WWOX: variants seen among roughly 807,000 people sequenced by gnomAD.
The protein encoded by WWOX is WW domain-containing oxidoreductase.
A neutral mutation model predicts 46.2 loss-of-function variants in WWOX; 69 were observed. The ratio of observed to expected loss-of-function variants is 1.49; its 90% CI spans 1.23 to 1.82. WWOX has a LOEUF of 1.82. WWOX is among the 40% of genes most tolerant of loss of function. The probability of loss-of-function intolerance (pLI) is 0.00; values close to 1 mark genes in which losing one functional copy is unlikely to be tolerated. For synonymous variants in WWOX, 359 were observed against 202.6 expected, an observed-to-expected ratio of 1.77 and a Z score of -6.56; for missense variants, 919 against 542.6, an observed-to-expected ratio of 1.69 and a Z score of -6.89.
At chr16:79,173,295 T>TGTGCCAC (rs912369466) in intron 8 of WWOX, among the ~76,000 whole-genome samples, 10 of 151,940 alleles carry the variant, frequency 6.6e-5, no homozygotes, top group Admixed American at 2.0e-4. Flanking sequence ...CCATGTGCCA[T>TGTGCCAC]GTGCCATGTG....
chr16:78,546,101 T>A (rs1198559790), intron 8 of WWOX, among the ~76,000 whole-genome samples: 2 of 152,170 alleles, frequency 1.3e-5, no homozygotes, highest in East Asian at 3.8e-4. Context: ...CCTCTGTCAG[T>A]TTTTTATGGA....
intron 8 of WWOX, among the ~76,000 whole-genome samples, chr16:78,887,468 AACACACACACACACACACACACACAC>A (rs78503110): frequency 1.0e-3 from 140 of 136,074 alleles, no homozygotes; most frequent in African/African-American, 3.0e-3. Context: ...AAGTATATAA[AACACACACACACACACACACACACAC>A]ACACACACAC....
intron 6 of WWOX, among the ~76,000 whole-genome samples, chr16:78,414,743 C>G (rs1239641676): frequency 6.6e-6 from 1 of 152,176 alleles, no homozygotes; most frequent in African/African-American, 2.4e-5. Context: ...AACGTGGTGG[C>G]CTTTCATTCA....
intron 5 of WWOX, among the ~76,000 whole-genome samples, chr16:78,358,272 C>T (rs1160441633): frequency 6.6e-6 from 1 of 152,174 alleles, no homozygotes; most frequent in East Asian, 1.9e-4. Context: ...ATGTTATACA[C>T]TCACATACAA....
chr16:78,819,998 T>C (rs1204945361), intron 8 of WWOX, among the ~76,000 whole-genome samples: 1 of 152,186 alleles, frequency 6.6e-6, no homozygotes, highest in African/African-American at 2.4e-5. Flanking sequence ...AAAATGGGGA[T>C]GGTAATGTGG....
At chr16:78,727,938 A>T (rs2048874592) in intron 8 of WWOX, among the ~76,000 whole-genome samples, 1 of 151,912 alleles carries the variant, frequency 6.6e-6, no homozygotes, top group South Asian at 2.1e-4. Context: ...ACTGATATTT[A>T]TCATACTAGA....
chr16:78,180,799 C>A (rs907128913), intron 5 of WWOX, among the ~76,000 whole-genome samples: 3 of 152,018 alleles, frequency 2.0e-5, no homozygotes, highest in Non-Finnish European at 4.4e-5. Flanking sequence ...AGCAGGTAAA[C>A]CCAGCTGCAC....
At chr16:78,967,286 CTTTTTTTTTTTTT>C (rs71140849) in intron 8 of WWOX, among the ~76,000 whole-genome samples, 3 of 56,830 alleles carry the variant, frequency 5.3e-5, no homozygotes, top group Non-Finnish European at 8.6e-5. Context: ...CTGCCGAGGC[CTTTTTTTTTTTTT>C]TTTTTTTTTT....
At chr16:78,400,362 C>T (rs959824308) in intron 6 of WWOX, among the ~76,000 whole-genome samples, 2 of 152,136 alleles carry the variant, frequency 1.3e-5, no homozygotes, top group Non-Finnish European at 2.9e-5. Flanking sequence ...CACCTCAGAT[C>T]TGAAAACTCC....
chr16:79,102,468 G>C (rs2049221007), intron 8 of WWOX, among the ~76,000 whole-genome samples: 1 of 152,140 alleles, frequency 6.6e-6, no homozygotes, highest in Non-Finnish European at 1.5e-5. Context: ...TGAAATGTGA[G>C]AGAATGCCTG....
chr16:78,354,238 C>A (rs1051594347), intron 5 of WWOX, among the ~76,000 whole-genome samples: 1 of 151,540 alleles, frequency 6.6e-6, no homozygotes, highest in Non-Finnish European at 1.5e-5. Context: ...ACCCCCCCAC[C>A]CCTGCCAGAA....
chr16:78,619,465 C>T (rs2046123064), intron 8 of WWOX, among the ~76,000 whole-genome samples: 1 of 151,058 alleles, frequency 6.6e-6, no homozygotes, highest in Non-Finnish European at 1.5e-5. Context: ...TGACCCGCAC[C>T]CACATGTTAT....
At chr16:78,808,423 A>T (rs1410391077) in intron 8 of WWOX, among the ~76,000 whole-genome samples, 3 of 152,206 alleles carry the variant, frequency 2.0e-5, no homozygotes, top group Non-Finnish European at 4.4e-5. Flanking sequence ...TGCTATTGGG[A>T]TGTGTAAAGT....
chr16:78,835,831 A>G (rs2051965318), intron 8 of WWOX, among the ~76,000 whole-genome samples: 1 of 152,226 alleles, frequency 6.6e-6, no homozygotes, highest in African/African-American at 2.4e-5. Context: ...TTGGTAGGAA[A>G]AGAGGAAAAA....
chr16:78,376,932 C>G (rs941597935), intron 5 of WWOX, among the ~76,000 whole-genome samples: 8 of 152,190 alleles, frequency 5.3e-5, no homozygotes, highest in Non-Finnish European at 8.8e-5. Flanking sequence ...CCAGAACAGA[C>G]AAATCTTGTT....
chr16:78,104,231 A>AAAACACACACACACACAC lies in WWOX; in HGVS notation c.108-4191_108-4190insAACACACACACACACACA, dbSNP rs1555534029. On this transcript the variant is annotated intron_variant, in intron 1 of 8. Transcript: ENST00000566780. ...CCCTGCTAACTTACACTGTGCTCAA[A>AAAACACACACACACACAC]ACACACACACACACACACACACACA... 2.4e-4 allele frequency among the ~76,000 whole-genome samples: 31 copies of AAAACACACACACACACAC among 130,228 alleles called. 1 individual carries two copies. The highest frequency in any genetic ancestry group is 8.5e-4 in the Admixed American group (11 of 12,946). The allele number at this position is 130,228 out of a possible 152,430, so 85.4% of individuals were successfully genotyped here.
chr16:78,422,842 T>TACACACAC lies in WWOX; in HGVS notation c.606-2027_606-2026insCACACACA, dbSNP rs1402975035. On this transcript the variant is annotated intron_variant, in intron 6 of 8. Transcript: ENST00000566780. Reference sequence around the variant, plus strand: ...ATACACACACATATATATATATACATATACACACACACACACACACACACA... The same window carrying TACACACAC: ...ATACACACACATATATATATATACATACACACACATACACACACACACACACACACACA... Among the ~76,000 whole-genome samples the TACACACAC allele has an allele frequency of 1.2e-3, 92 of 76,296 alleles. 4 individuals carry two copies. The highest frequency in any genetic ancestry group is 5.0e-3 in the African/African-American group (87 of 17,350). 50.1% of individuals were successfully genotyped at this position (76,296 alleles called of 152,430 possible). A position where few individuals can be genotyped will look rare whatever the true frequency, so the allele number is the denominator to read the frequency against.
chr16:79,173,743 A>C (rs1324010130), intron 8 of WWOX, among the ~76,000 whole-genome samples: 27 of 152,312 alleles, frequency 1.8e-4, no homozygotes. Flanking sequence ...ATGGAATACT[A>C]GGTAGCCACT....
At chr16:78,520,241 A>T (rs1037699266) in intron 8 of WWOX, among the ~76,000 whole-genome samples, 8 of 152,308 alleles carry the variant, frequency 5.3e-5, no homozygotes, top group African/African-American at 1.9e-4. Flanking sequence ...TATCATTCTG[A>T]TGGATTACGG....
Sources: gnomAD v4.1 joint callset for allele counts (sites outside exome capture counted in the v4.1 genomes callset) on GRCh38, gnomAD v4.1.1 for gene constraint, MANE v1.5 for transcripts, NCBI Gene and HGNC (gene_info 2026-07-23, HGNC 2026-07-21) for gene names.